Variants in HEATR5A observed in about 807,000 individuals in gnomAD.
HEATR5A encodes the protein HEAT repeat-containing protein 5A.
A neutral mutation model predicts 218.8 loss-of-function variants in HEATR5A; 178 were observed. The ratio of observed to expected loss-of-function variants is 0.81; its 90% confidence interval spans 0.72 to 0.92. The LOEUF (loss-of-function observed/expected upper bound fraction) is 0.92, where lower values mean the gene tolerates loss of function less well. HEATR5A is among the 40% of genes least tolerant of loss of function. HEATR5A has a pLI of 0.00. For synonymous variants in HEATR5A, 864 were observed against 871.6 expected, an observed-to-expected ratio of 0.99 and a Z score of 0.15; for missense variants, 2,420 against 2,418.9, an observed-to-expected ratio of 1.00 and a Z score of -0.01.
At chr14:31,311,680 T>G (rs1418941504) in intron 28 of HEATR5A, among the ~76,000 whole-genome samples, 3 of 146,958 alleles carry the variant, frequency 2.0e-5, no homozygotes, top group African/African-American at 8.2e-5. Context: ...TATATATATA[T>G]ATATAAAAAA....
intron 33 of HEATR5A, 21 bp downstream of exon 33, chr14:31,302,273 GC>G: frequency 6.6e-7 from 1 of 1,507,928 alleles, no homozygotes; most frequent in Non-Finnish European, 9.1e-7. Context: ...AAACTGAACT[GC>G]TTCCAAATAG....
rs1191837232 is a variant in HEATR5A, at chr14:31,343,971, G to A, written c.3153C>T (p.Ala1051=). The A allele has an allele frequency of 2.4e-5, 38 of 1,611,594 alleles. No homozygotes were observed. Among genetic ancestry groups the A allele is most frequent in the Non-Finnish European group, 2.9e-5 (34 of 1,178,788 alleles). Residue 1051 remains alanine, a synonymous_variant, in exon 21 of 36, where the codon GCC becomes GCT. Coordinates refer to ENST00000543095, the MANE Select transcript of HEATR5A (RefSeq NM_015473.4). ...DNPDCLVQAQ[A]ISCLQQLHMF... The stretch of plus-strand genomic sequence containing the variant: ...TATGAAGCTGCTGAAGGCAAGAGAT[G>A]GCCTGAGCTTGAACAAGGCAGTCTG...
At chr14:31,368,004 G>T (rs1171558854) in intron 13 of HEATR5A, among the ~76,000 whole-genome samples, 3 of 152,108 alleles carry the variant, frequency 2.0e-5, no homozygotes, top group Non-Finnish European at 4.4e-5. Flanking sequence ...ACTGAATCCT[G>T]CTATGGGGTC....
chr14:31,403,233 T>C (rs2030941101), intron 1 of HEATR5A, among the ~76,000 whole-genome samples, 184 bp from the exon 2 acceptor site: 2 of 152,126 alleles, frequency 1.3e-5, no homozygotes, highest in Admixed American at 6.6e-5. Flanking sequence ...TTATATTCTG[T>C]ACTCAAGCAG....
At chr14:31,416,113 G>C (rs912024025) in intron 1 of HEATR5A, among the ~76,000 whole-genome samples, 2 of 151,868 alleles carry the variant, frequency 1.3e-5, no homozygotes, top group African/African-American at 4.8e-5. Flanking sequence ...ACCATGCCTG[G>C]CTAATTTTTG....
intron 28 of HEATR5A, among the ~76,000 whole-genome samples, chr14:31,309,846 G>A (rs544679993): frequency 6.6e-6 from 1 of 152,104 alleles, no homozygotes; most frequent in African/African-American, 2.4e-5. Context: ...GGGACCACAG[G>A]TGTGCACCAC....
At position 31,395,278 on chromosome 14, in the gene HEATR5A, G is replaced by T; in HGVS notation, c.518C>A (p.Pro173His). The change falls in exon 5 of 36, where the codon CCT becomes CAT. Residue 173 changes from proline to histidine, a missense_variant. Coordinates refer to ENST00000543095, the MANE Select transcript of HEATR5A (RefSeq NM_015473.4). Reference sequence around the variant, plus strand: ...AGCTTTATAAACATCCCTGTGACAAGGTGCAGCGGCAGCTCCTAGTCCATT... The same window carrying T: ...AGCTTTATAAACATCCCTGTGACAATGTGCAGCGGCAGCTCCTAGTCCATT... The part of the protein sequence containing the change: ...ILNGLGAAAA[P>H]CHRDVYKAAR... The T allele has an allele frequency of 6.5e-7, 1 of 1,531,144 alleles. No individual in the cohort carries two copies. Among genetic ancestry groups the T allele is most frequent in the Non-Finnish European group, 8.8e-7 (1 of 1,142,472 alleles). The allele number at this position is 1,531,144 out of a possible 1,614,324, so 94.8% of individuals were successfully genotyped here. A position where few individuals can be genotyped will look rare whatever the true frequency, so the allele number is the denominator to read the frequency against.
chr14:31,384,039 A>G (rs900073190), intron 9 of HEATR5A, among the ~76,000 whole-genome samples: 1 of 152,206 alleles, frequency 6.6e-6, no homozygotes, highest in Non-Finnish European at 1.5e-5. Context: ...TCCGCGCACA[A>G]AAGAAAAACT....
chr14:31,365,687 C>T (rs1186791542), intron 13 of HEATR5A, among the ~76,000 whole-genome samples: 1 of 147,694 alleles, frequency 6.8e-6, no homozygotes, highest in Admixed American at 6.7e-5. Context: ...GTTGTCGAGA[C>T]AGGGTCTTGC....
intron 1 of HEATR5A, among the ~76,000 whole-genome samples, chr14:31,404,175 A>G (rs940249942): frequency 6.6e-6 from 1 of 152,252 alleles, no homozygotes; most frequent in Non-Finnish European, 1.5e-5. Context: ...CATCAGGAAC[A>G]TTAAAGAACA....
Position 31,383,616 on chromosome 14 carries a change from A to G in HEATR5A, c.1501T>C (p.Ser501Pro). 6.2e-7 allele frequency: 1 copy of G among 1,614,024 alleles called. No homozygotes were observed. The highest frequency in any genetic ancestry group is 8.5e-7 in the Non-Finnish European group (1 of 1,179,878). ...CLERLTGHKS[S>P]PEAVTGFSFA... ...CTGAAGCCAGTCACTGCTTCAGGTG[A>G]AGACTTATGTCCAGTAAGCCGTTCA... The change falls in exon 10 of 36, where the codon TCA (serine) becomes CCA (proline). Residue 501 changes from serine (S) to proline (P), a missense_variant. Physicochemically the swap from Ser to Pro is moderately conservative, Grantham distance 74. Transcript: ENST00000543095.
At chr14:31,404,687 G>A (rs902507658) in intron 1 of HEATR5A, among the ~76,000 whole-genome samples, 8 of 151,808 alleles carry the variant, frequency 5.3e-5, no homozygotes, top group Admixed American at 6.6e-5. Context: ...CAGAAGGATC[G>A]CTTGAGTCTT....
At chr14:31,299,719 G>A (rs951993005) in intron 33 of HEATR5A, among the ~76,000 whole-genome samples, 15 of 143,224 alleles carry the variant, frequency 1.0e-4, no homozygotes, top group Middle Eastern at 4.6e-3. Flanking sequence ...GCAAAACTCC[G>A]TCTCAAAACA....
chr14:31,294,554 C>T (rs529662418), intron 34 of HEATR5A, among the ~76,000 whole-genome samples: 1 of 151,548 alleles, frequency 6.6e-6, no homozygotes, highest in Non-Finnish European at 1.5e-5. Flanking sequence ...GGACTACAGG[C>T]GTGCACCTCC....
In HEATR5A at chr14:31,374,913, GAC is replaced by G; in HGVS notation, c.1762_1763del (p.Val588LeufsTer6). On this transcript the variant is annotated frameshift_variant, in exon 12 of 36. Coordinates refer to ENST00000543095, the MANE Select transcript of HEATR5A (RefSeq NM_015473.4). LOFTEE classifies it high-confidence loss of function. ...CTAGATCTTTAGGAGATGCTGGAAA[GAC>G]ACACTTCCACAACAGCAGAACTCGA... ...LARVLLLWKCVFPASPKDLET... is the reference protein window; with the variant it reads ...LARVLLLWKCXFPASPKDLET... The G allele has an allele frequency of 1.2e-6, 2 of 1,612,798 alleles. No homozygotes were observed. The highest frequency in any genetic ancestry group is 3.3e-4 in the Middle Eastern group (2 of 6,060).
chr14:31,347,693 T>A, intron 19 of HEATR5A, 55 bp downstream of exon 19: 1 of 1,315,182 alleles, frequency 7.6e-7, no homozygotes, highest in Non-Finnish European at 1.0e-6. Context: ...ATAAACACAA[T>A]CTGCATCATC....
chr14:31,364,254 G>A lies in HEATR5A; in HGVS notation c.2006C>T (p.Pro669Leu), dbSNP rs1387693671. ...LKMYGSPLKT[P>L]SVVYRQRLYE... ...AAGTCTTTGTCTATAAACCACTGAC[G>A]GTGTTTTCAAAGGACTTCCATACAT... Residue 669 changes from proline (P) to leucine (L), a missense_variant, in exon 14 of 36, where the codon CCG becomes CTG. Transcript: ENST00000543095. 7.1e-6 allele frequency: 11 copies of A among 1,552,714 alleles called. No individual in the cohort carries two copies. Among genetic ancestry groups the A allele is most frequent in the South Asian group, 1.2e-5 (1 of 83,348 alleles).
In HEATR5A at chr14:31,292,913, A is replaced by G. The variant is rs1899067288; in HGVS notation, c.*392T>C. The G allele has an allele frequency of 6.4e-6, 1 of 157,452 alleles. No homozygotes were observed. The highest frequency in any genetic ancestry group is 2.4e-5 in the African/African-American group (1 of 41,582). The allele number at this position is 157,452 out of a possible 1,614,324, so 9.8% of individuals were successfully genotyped here. ...AATTTTAAATCAGCAATTGGGATAC[A>G]ATATTAGTGCAGATAATTTACACTA... On this transcript the variant is annotated 3_prime_UTR_variant, in exon 36 of 36. Coordinates refer to ENST00000543095, the MANE Select transcript of HEATR5A (RefSeq NM_015473.4).
In HEATR5A at chr14:31,371,858, G is replaced by C. The variant is rs559028577; in HGVS notation, c.1913C>G (p.Thr638Ser). 6.4e-7 allele frequency: 1 copy of C among 1,554,060 alleles called. No homozygotes were observed. Among genetic ancestry groups the C allele is most frequent in the Admixed American group, 2.0e-5 (1 of 51,204 alleles). Residue 638 changes from threonine to serine, a missense_variant, in exon 13 of 36, where the codon ACT (threonine) becomes AGT (serine). By Grantham distance (58) the Thr-to-Ser change is moderately conservative (BLOSUM62 1). Coordinates refer to ENST00000543095, the MANE Select transcript of HEATR5A (RefSeq NM_015473.4). ...AGGAAGTGGTGGAAGAAGACGCTGA[G>C]TTACTTCCTCAGTAAGAAGATCACC... is the stretch of plus-strand genomic sequence containing the variant. ...HCGDLLTEEV[T>S]QRLLPPLPCA... is the part of the protein sequence containing the mutation.
Sources: allele counts gnomAD v4.1 joint callset (sites outside exome capture counted in the v4.1 genomes callset), GRCh38; gene constraint gnomAD v4.1.1; transcripts MANE v1.5; gene names NCBI Gene and HGNC (gene_info 2026-07-23, HGNC 2026-07-21).